NARS2: variants seen among roughly 807,000 people sequenced by gnomAD.
The protein encoded by NARS2 is asparaginyl-tRNA synthetase 2, mitochondrial.
NARS2 carries 60 observed loss-of-function variants against 62.9 expected under a neutral mutation model. The ratio of observed to expected loss-of-function variants is 0.95; its 90% confidence interval spans 0.77 to 1.18. The LOEUF (loss-of-function observed/expected upper bound fraction) is 1.18, where lower values mean the gene tolerates loss of function less well. Among genes scored for constraint, NARS2 ranks in the 50% most tolerant of loss-of-function variants. The pLI, the probability that NARS2 is intolerant of heterozygous loss-of-function variation, is 0.00. For synonymous variants in NARS2, 196 were observed against 200.0 expected (o/e 0.98, Z 0.17); for missense variants, 619 against 576.4 (o/e 1.07, Z -0.76).
chr11:78,503,385 G>A (rs1860359924), intron 6 of NARS2, among the ~76,000 whole-genome samples: 1 of 152,016 alleles, frequency 6.6e-6, no homozygotes, highest in African/African-American at 2.4e-5. Flanking sequence ...CTACAGGCGC[G>A]TGCCACCACG....
At chr11:78,442,942 T>C (rs909917521) in intron 12 of NARS2, among the ~76,000 whole-genome samples, 3 of 152,200 alleles carry the variant, frequency 2.0e-5, no homozygotes, top group Non-Finnish European at 4.4e-5. Context: ...AACTTCATCC[T>C]TTCCCTGGCT....
chr11:78,476,914 C>T (rs569145510), intron 9 of NARS2, among the ~76,000 whole-genome samples: 1 of 152,310 alleles, frequency 6.6e-6, no homozygotes, highest in South Asian at 2.1e-4. Context: ...GCTTTGAAAT[C>T]AGATGAACAT....
At chr11:78,554,508 C>CGTGCGTGTGTGT (rs112168447) in intron 5 of NARS2, among the ~76,000 whole-genome samples, 1 of 146,914 alleles carries the variant, frequency 6.8e-6, no homozygotes, top group Non-Finnish European at 1.5e-5. Flanking sequence ...GGCGTGTGTG[C>CGTGCGTGTGTGT]GTGTGTGTGT....
chr11:78,519,905 G>A (rs1861051212), intron 6 of NARS2, among the ~76,000 whole-genome samples: 1 of 152,080 alleles, frequency 6.6e-6, no homozygotes, highest in East Asian at 1.9e-4. Context: ...ATGTTAGCCA[G>A]GATGGTCTCG....
chr11:78,506,035 A>T (rs1416146774), intron 6 of NARS2, among the ~76,000 whole-genome samples: 1 of 152,200 alleles, frequency 6.6e-6, no homozygotes, highest in Non-Finnish European at 1.5e-5. Flanking sequence ...TAAAAATTGG[A>T]TGAAAAAAAT....
Position 78,469,324 on chromosome 11 carries a change from A to G in NARS2, c.960-11T>C. 6.2e-7 allele frequency: 1 copy of G among 1,609,632 alleles called. No homozygotes were observed. Among genetic ancestry groups the G allele is most frequent in the Non-Finnish European group, 8.5e-7 (1 of 1,176,118 alleles). On this transcript the variant is annotated splice_polypyrimidine_tract_variant and intron_variant, in intron 9 of 13. Coordinates refer to ENST00000281038, the MANE Select transcript of NARS2 (RefSeq NM_024678.6). Reference sequence around the variant, plus strand: ...TCAGTATAAGAAATGCTGGAGGAAAACAGGATACAAGCAGAGAAAAGTCAA... The same window carrying G: ...TCAGTATAAGAAATGCTGGAGGAAAGCAGGATACAAGCAGAGAAAAGTCAA...
Position 78,514,846 on chromosome 11 carries a change from A to G in NARS2, c.689+13996T>C, listed in dbSNP as rs183625676. ...CACTAAATCATTATGCAAATAATGT[A>G]TAACCTAACTAGCAATTAAAGAAAA... On this transcript the variant is annotated intron_variant, in intron 6 of 13. Transcript: ENST00000281038. 1.9e-3 allele frequency among the ~76,000 whole-genome samples: 292 copies of G among 152,374 alleles called. 1 individual carries two copies. Among genetic ancestry groups the G allele is most frequent in the African/African-American group, 6.8e-3 (282 of 41,586 alleles).
chr11:78,437,175 G>A (rs1857435410), intron 13 of NARS2, among the ~76,000 whole-genome samples: 1 of 152,088 alleles, frequency 6.6e-6, no homozygotes, highest in Non-Finnish European at 1.5e-5. Flanking sequence ...TTTCTTGGTA[G>A]GTTAATCACA....
intron 4 of NARS2, among the ~76,000 whole-genome samples, chr11:78,564,816 ATTTTCC>A (rs1479362464): frequency 6.7e-6 from 1 of 150,110 alleles, no homozygotes; most frequent in East Asian, 1.9e-4. Flanking sequence ...AATTTGATTT[ATTTTCC>A]TTTGTCTTAT....
chr11:78,517,750 T>C (rs1432013973), intron 6 of NARS2, among the ~76,000 whole-genome samples: 3 of 152,240 alleles, frequency 2.0e-5, no homozygotes, highest in Non-Finnish European at 4.4e-5. Flanking sequence ...CACTTGCTGA[T>C]CGATCTGCCA....
chr11:78,492,952 C>G (rs755083217), intron 7 of NARS2, 111 bp downstream of exon 7: 2 of 886,918 alleles, frequency 2.3e-6, no homozygotes, highest in Non-Finnish European at 3.5e-6. Context: ...AGTAGTTACC[C>G]CTTCTTTTCA....
chr11:78,443,016 C>T (rs1298626528), intron 12 of NARS2, among the ~76,000 whole-genome samples: 1 of 152,040 alleles, frequency 6.6e-6, no homozygotes, highest in Non-Finnish European at 1.5e-5. Context: ...ATAAAGAACA[C>T]AGATAAGATA....
chr11:78,436,686 T>G lies in NARS2; in HGVS notation c.1418A>C (p.His473Pro). The G allele has an allele frequency of 6.2e-7, 1 of 1,614,154 alleles. No individual in the cohort carries two copies. Among genetic ancestry groups the G allele is most frequent in the Non-Finnish European group, 8.5e-7 (1 of 1,180,020 alleles). ...KDVIPFPRFP[H>P]SCLL ...ATCTTCCAGCTATAAAAGGCATGAA[T>G]GAGGAAACCTTGGGAAAGGGATAAC... Residue 473 changes from histidine to proline, a missense_variant, in exon 14 of 14, where the codon CAT becomes CCT. By Grantham distance (77) the His-to-Pro change is moderately conservative. Coordinates refer to ENST00000281038, the MANE Select transcript of NARS2 (RefSeq NM_024678.6).
intron 6 of NARS2, among the ~76,000 whole-genome samples, chr11:78,523,825 T>C (rs1360206833): frequency 1.3e-5 from 2 of 152,086 alleles, no homozygotes; most frequent in Non-Finnish European, 2.9e-5. Flanking sequence ...AAGAAGAGGA[T>C]AGGGAGTGAA....
At chr11:78,482,461 T>C (rs944675158) in intron 7 of NARS2, among the ~76,000 whole-genome samples, 28 of 151,526 alleles carry the variant, frequency 1.8e-4, no homozygotes, top group African/African-American at 6.3e-4. Context: ...ATCCAGGAGC[T>C]GGTTTTTTGA....
chr11:78,493,676 A>C (rs77290786), intron 6 of NARS2, among the ~76,000 whole-genome samples: 1 of 148,048 alleles, frequency 6.8e-6, no homozygotes, highest in African/African-American at 2.5e-5. Context: ...CAAACAAACA[A>C]AAAAAAAAAA....
intron 9 of NARS2, among the ~76,000 whole-genome samples, chr11:78,476,725 T>C (rs530162874): frequency 1.6e-4 from 24 of 152,206 alleles, no homozygotes; most frequent in Admixed American, 2.6e-4. Flanking sequence ...ATGACAATGA[T>C]TGAAATGGCG....
intron 7 of NARS2, among the ~76,000 whole-genome samples, chr11:78,489,667 T>C (rs1409512077): frequency 6.6e-6 from 1 of 152,182 alleles, no homozygotes; most frequent in South Asian, 2.1e-4. Context: ...TAACTCCACT[T>C]AGGCGTAAAT....
At chr11:78,520,406 C>A (rs1861071403) in intron 6 of NARS2, among the ~76,000 whole-genome samples, 2 of 152,152 alleles carry the variant, frequency 1.3e-5, no homozygotes, top group South Asian at 4.2e-4. Flanking sequence ...TCTCTCCTTT[C>A]TCTTATAAAA....
Sources: gnomAD v4.1 joint callset for allele counts (sites outside exome capture counted in the v4.1 genomes callset) on GRCh38, gnomAD v4.1.1 for gene constraint, MANE v1.5 for transcripts, NCBI Gene and HGNC (gene_info 2026-07-23, HGNC 2026-07-21) for gene names.